The following NRG1 variants were observed in gnomAD, a reference collection of about 807,000 sequenced individuals.
NRG1 encodes the protein neuregulin 1.
In NRG1, 18 loss-of-function variants were observed where a neutral mutation model predicts 63.8. That is an observed-to-expected ratio of 0.28 (90% confidence interval 0.19 to 0.42). The LOEUF is 0.42. Ranked by LOEUF, NRG1 falls within the 10% of genes least tolerant of loss-of-function variation. NRG1 has a pLI of 1.00. For missense variants in NRG1, 762 were observed against 814.7 expected, an observed-to-expected ratio of 0.94 and a Z score of 0.79; for synonymous variants, 302 against 301.3, an observed-to-expected ratio of 1.00 and a Z score of -0.02.
intron 1 of NRG1, among the ~76,000 whole-genome samples, chr8:32,032,270 C>G (rs1223646507): frequency 6.7e-6 from 1 of 148,940 alleles, no homozygotes; most frequent in African/African-American, 2.5e-5. Flanking sequence ...CTTTTATTTT[C>G]TTTTTTTTGA....
intron 5 of NRG1, among the ~76,000 whole-genome samples, chr8:32,632,193 G>A (rs536626785): frequency 7.9e-5 from 12 of 152,242 alleles, no homozygotes; most frequent in Admixed American, 1.3e-4. Context: ...AATAAGCCAC[G>A]TTAATATAAA....
chr8:32,284,801 A>G (rs1853331572), intron 1 of NRG1, among the ~76,000 whole-genome samples: 1 of 152,080 alleles, frequency 6.6e-6, no homozygotes, highest in African/African-American at 2.4e-5. Flanking sequence ...CTCTTGCTTC[A>G]AGGTCCCAAA....
intron 1 of NRG1, among the ~76,000 whole-genome samples, chr8:32,084,534 C>A (rs1450102650): frequency 2.0e-5 from 3 of 152,094 alleles, no homozygotes; most frequent in Admixed American, 1.3e-4. Context: ...TCTGAATTTG[C>A]ATACAAACAC....
At chr8:32,470,820 A>G (rs1431506888) in intron 1 of NRG1, among the ~76,000 whole-genome samples, 3 of 150,604 alleles carry the variant, frequency 2.0e-5, no homozygotes, top group Admixed American at 6.6e-5. Context: ...TTTCTTCTTC[A>G]GTCAGGGTTT....
chr8:31,639,371 G>C, exon 1 of NRG1: 2 of 1,534,388 alleles, frequency 1.3e-6, no homozygotes, highest in Non-Finnish European at 1.7e-6. Flanking sequence ...CCACTCGCGG[G>C]TCCCGCTCCG....
intron 5 of NRG1, among the ~76,000 whole-genome samples, chr8:32,663,099 C>G (rs1273486810): frequency 6.6e-6 from 1 of 152,182 alleles, no homozygotes; most frequent in Non-Finnish European, 1.5e-5. Context: ...GTAGAATAGG[C>G]TTCCAACAAA....
chr8:32,357,090 A>C (rs187972029), intron 1 of NRG1, among the ~76,000 whole-genome samples: 168 of 152,260 alleles, frequency 1.1e-3, no homozygotes, highest in African/African-American at 3.7e-3. Flanking sequence ...CAGTTTCATG[A>C]GGCTGGCCTG....
At chr8:31,880,550 A>G (rs1830272187) in intron 1 of NRG1, among the ~76,000 whole-genome samples, 1 of 152,202 alleles carries the variant, frequency 6.6e-6, no homozygotes. Context: ...TTAAGCACCC[A>G]GTGCATAGGT....
chr8:32,733,431 T>C (rs1456947561), intron 6 of NRG1, among the ~76,000 whole-genome samples: 1 of 152,148 alleles, frequency 6.6e-6, no homozygotes, highest in Non-Finnish European at 1.5e-5. Context: ...ACTTTAAGTT[T>C]GATAGATAAA....
intron 1 of NRG1, among the ~76,000 whole-genome samples, chr8:32,298,178 T>A (rs1278412522): frequency 1.3e-5 from 2 of 152,242 alleles, no homozygotes; most frequent in Non-Finnish European, 2.9e-5. Context: ...TATTATTCAT[T>A]TGCTGATTTA....
intron 1 of NRG1, among the ~76,000 whole-genome samples, chr8:32,280,838 C>T (rs1401216781): frequency 7.1e-6 from 1 of 140,292 alleles, no homozygotes; most frequent in Non-Finnish European, 1.5e-5. Flanking sequence ...CGGCTCACTG[C>T]AACCTCCACC....
At chr8:32,042,074 G>T (rs79702883) in intron 1 of NRG1, among the ~76,000 whole-genome samples, 1,562 of 152,206 alleles carry the variant, frequency 0.01, 31 homozygotes, top group South Asian at 0.083. Flanking sequence ...AGAGAAAGCT[G>T]GTCAGAACTT....
At chr8:32,666,677 C>T (rs568676833) in intron 5 of NRG1, among the ~76,000 whole-genome samples, 1 of 152,244 alleles carries the variant, frequency 6.6e-6, no homozygotes, top group East Asian at 1.9e-4. Context: ...CATTGTTAGG[C>T]GTACAGTTTG....
At chr8:32,638,937 T>C (rs1851813447) in intron 5 of NRG1, among the ~76,000 whole-genome samples, 1 of 152,154 alleles carries the variant, frequency 6.6e-6, no homozygotes, top group South Asian at 2.1e-4. Flanking sequence ...TCACTAAGAA[T>C]GCCAAATCAG....
chr8:32,770,117 G>T (rs145304913), downstream of NRG1, among the ~76,000 whole-genome samples: 1 of 152,192 alleles, frequency 6.6e-6, no homozygotes, highest in East Asian at 1.9e-4. Flanking sequence ...GGACATCTCT[G>T]CCCACCCCAC....
At chr8:32,426,004 C>T (rs1223645419) in intron 1 of NRG1, among the ~76,000 whole-genome samples, 1 of 152,054 alleles carries the variant, frequency 6.6e-6, no homozygotes, top group East Asian at 1.9e-4. Flanking sequence ...ATTTGGCGCT[C>T]TACATAATGG....
intron 1 of NRG1, among the ~76,000 whole-genome samples, chr8:32,370,758 T>C (rs1808706710): frequency 1.4e-5 from 2 of 140,768 alleles, no homozygotes; most frequent in Admixed American, 7.8e-5. Flanking sequence ...CTTGGGAGGC[T>C]GAGACAGGAG....
intron 1 of NRG1, among the ~76,000 whole-genome samples, chr8:32,047,278 T>C (rs1048790195): frequency 6.6e-6 from 1 of 152,080 alleles, no homozygotes; most frequent in Non-Finnish European, 1.5e-5. Context: ...AATGTTCTCA[T>C]CTGTGAGGTT....
intron 3 of NRG1, 33 bp from the exon 4 acceptor site, chr8:32,614,481 A>G: frequency 3.7e-6 from 6 of 1,607,990 alleles, no homozygotes; most frequent in Non-Finnish European, 5.1e-6. Context: ...TCCTGTTTAT[A>G]TATCATAATG....
Sources: allele counts gnomAD v4.1 joint callset (sites outside exome capture counted in the v4.1 genomes callset), GRCh38; gene constraint gnomAD v4.1.1; transcripts MANE v1.5; gene names NCBI Gene and HGNC (gene_info 2026-07-23, HGNC 2026-07-21).